MCTP1: variants seen among roughly 807,000 people sequenced by gnomAD.
MCTP1 encodes multiple C2 and transmembrane domain-containing protein 1.
In MCTP1, 69 loss-of-function variants were observed where a neutral mutation model predicts 120.6. That is an observed-to-expected ratio of 0.57 (90% CI 0.47 to 0.70). The LOEUF is 0.70. Ranked by LOEUF, MCTP1 falls within the 30% of genes least tolerant of loss-of-function variation. The probability of loss-of-function intolerance (pLI) is 0.00; values close to 1 mark genes in which losing one functional copy is unlikely to be tolerated. For missense variants in MCTP1, 1,203 were observed against 1,248.8 expected (o/e 0.96, Z 0.55); for synonymous variants, 529 against 493.1 (o/e 1.07, Z -0.96).
chr5:94,775,393 G>T (rs909152362), intron 19 of MCTP1, among the ~76,000 whole-genome samples: 1 of 152,140 alleles, frequency 6.6e-6, no homozygotes, highest in Non-Finnish European at 1.5e-5. Context: ...TCTAGATTAT[G>T]CAGACTGACC....
At chr5:95,068,502 C>G (rs1751261392) in intron 1 of MCTP1, among the ~76,000 whole-genome samples, 2 of 152,194 alleles carry the variant, frequency 1.3e-5, no homozygotes, top group African/African-American at 4.8e-5. Flanking sequence ...AGGCAGATGA[C>G]AGATGTGAAG....
chr5:95,108,145 A>G (rs1757222172), intron 1 of MCTP1, among the ~76,000 whole-genome samples: 1 of 152,220 alleles, frequency 6.6e-6, no homozygotes, highest in South Asian at 2.1e-4. Context: ...ATCTCCATAC[A>G]CTGGAGTTTA....
intron 17 of MCTP1, among the ~76,000 whole-genome samples, chr5:94,860,753 G>T (rs1410192017): frequency 2.0e-5 from 3 of 151,378 alleles, no homozygotes; most frequent in South Asian, 4.2e-4. Context: ...GCTGGGGCGG[G>T]GGGGAAGCAA....
At chr5:95,138,222 T>C (rs2152433889) in intron 1 of MCTP1, among the ~76,000 whole-genome samples, 1 of 150,482 alleles carries the variant, frequency 6.6e-6, no homozygotes, top group Middle Eastern at 3.5e-3. Context: ...TAGACTTTCC[T>C]GTGAGATGCA....
intron 19 of MCTP1, among the ~76,000 whole-genome samples, chr5:94,767,504 T>C (rs1042343998): frequency 1.3e-5 from 2 of 152,224 alleles, no homozygotes; most frequent in African/African-American, 2.4e-5. Flanking sequence ...ATCTTATATA[T>C]AGAAAAACCT....
At chr5:95,017,635 T>C in intron 1 of MCTP1, 151 bp from the exon 2 acceptor site, 1 of 396,280 alleles carries the variant, frequency 2.5e-6, no homozygotes. Context: ...AATCACTCAG[T>C]TCTCTGAAGG....
At chr5:94,968,723 C>G (rs534828212) in intron 2 of MCTP1, among the ~76,000 whole-genome samples, 8 of 152,258 alleles carry the variant, frequency 5.3e-5, no homozygotes, top group Middle Eastern at 6.8e-3. Flanking sequence ...AAAGAGAGGC[C>G]TGTGGTTCTG....
chr5:95,017,450 T>A lies in MCTP1; in HGVS notation c.755A>T (p.Glu252Val). The change falls in exon 2 of 23, where the codon GAA becomes GTA. Residue 252 changes from glutamate to valine, a missense_variant. Glu to Val is a moderately radical substitution (Grantham distance 121, BLOSUM62 -2). Transcript: ENST00000515393. ...CATTCCGGGATCAGCCAAGGGGACT[T>A]CTGCATTACTGGTTCCAGCAGTGTT... is the stretch of plus-strand genomic sequence containing the variant. Reference protein sequence around the residue: ...IINTAGTSNAEVPLADPGMYQ... With the variant: ...IINTAGTSNAVVPLADPGMYQ... The A allele has an allele frequency of 6.2e-7, 1 of 1,609,780 alleles. No individual in the cohort carries two copies. Among genetic ancestry groups the A allele is most frequent in the Non-Finnish European group, 8.5e-7 (1 of 1,177,330 alleles).
Position 94,710,803 on chromosome 5 carries a change from G to A in MCTP1, c.2830+15C>T. On this transcript the variant is annotated intron_variant, in intron 21 of 22. Transcript: ENST00000515393. Reference sequence around the variant, plus strand: ...AGCTAAGACAGTTTGGGGGAGTGGGGGAGGCTTTACTTACCCCAGACAAGG... The same window carrying A: ...AGCTAAGACAGTTTGGGGGAGTGGGAGAGGCTTTACTTACCCCAGACAAGG... 1 of 1,560,458 alleles carries A rather than the reference G, an allele frequency of 6.4e-7. No individual in the cohort carries two copies. The highest frequency in any genetic ancestry group is 8.8e-7 in the Non-Finnish European group (1 of 1,132,830).
At chr5:94,970,412 C>A (rs1826548952) in intron 2 of MCTP1, among the ~76,000 whole-genome samples, 2 of 151,928 alleles carry the variant, frequency 1.3e-5, no homozygotes, top group Admixed American at 1.3e-4. Context: ...CCTTTCATAT[C>A]TGACATAAAC....
chr5:95,229,277 G>A (rs1754644972), intron 1 of MCTP1, among the ~76,000 whole-genome samples: 1 of 152,162 alleles, frequency 6.6e-6, no homozygotes, highest in African/African-American at 2.4e-5. Flanking sequence ...GCAATGAGGT[G>A]ACTTGACAGA....
intron 17 of MCTP1, among the ~76,000 whole-genome samples, chr5:94,801,760 A>C (rs1781286494): frequency 6.6e-6 from 1 of 152,202 alleles, no homozygotes; most frequent in Non-Finnish European, 1.5e-5. Flanking sequence ...TGTTAGCTGC[A>C]GGCCTGTCAT....
intron 19 of MCTP1, among the ~76,000 whole-genome samples, chr5:94,775,397 A>C (rs933175234): frequency 1.3e-5 from 2 of 152,194 alleles, no homozygotes; most frequent in Admixed American, 6.5e-5. Flanking sequence ...GATTATGCAG[A>C]CTGACCACTG....
intron 1 of MCTP1, among the ~76,000 whole-genome samples, chr5:95,178,991 G>A (rs996905804): frequency 2.6e-5 from 4 of 152,078 alleles, no homozygotes; most frequent in East Asian, 1.9e-4. Context: ...AAACAATCAC[G>A]ACTTCTGGAA....
chr5:94,811,784 AAG>A (rs1027496004), intron 17 of MCTP1, among the ~76,000 whole-genome samples: 1 of 152,204 alleles, frequency 6.6e-6, no homozygotes, highest in African/African-American at 2.4e-5. Context: ...AATTATGAAA[AAG>A]AAAAATCTCT....
intron 17 of MCTP1, among the ~76,000 whole-genome samples, chr5:94,857,054 C>T (rs1163693279): frequency 1.3e-5 from 2 of 151,702 alleles, no homozygotes; most frequent in African/African-American, 4.8e-5. Flanking sequence ...ATGGATCTCA[C>T]AGCAGACAGA....
intron 1 of MCTP1, among the ~76,000 whole-genome samples, chr5:95,058,246 C>T (rs1747952722): frequency 6.6e-6 from 1 of 152,148 alleles, no homozygotes; most frequent in Non-Finnish European, 1.5e-5. Context: ...TGTGATATTA[C>T]AATGTTAAAG....
intron 7 of MCTP1, among the ~76,000 whole-genome samples, chr5:94,920,758 TA>T (rs776149832): frequency 6.7e-6 from 1 of 149,236 alleles, no homozygotes. Context: ...AATAAATAAA[TA>T]AATAAATAAA....
intron 1 of MCTP1, among the ~76,000 whole-genome samples, chr5:95,270,932 A>T (rs1373512027): frequency 2.8e-4 from 1 of 3,528 alleles, no homozygotes; most frequent in Non-Finnish European, 4.5e-4. Flanking sequence ...TCTCTCTCTC[A>T]AAAAAAAAAT....
Sources: allele counts gnomAD v4.1 joint callset (sites outside exome capture counted in the v4.1 genomes callset), GRCh38; gene constraint gnomAD v4.1.1; transcripts MANE v1.5; gene names NCBI Gene and HGNC (gene_info 2026-07-23, HGNC 2026-07-21).